Variants in ZC3H7B observed in about 807,000 individuals in gnomAD.
The protein encoded by ZC3H7B is zinc finger CCCH-type containing 7B.
ZC3H7B carries 35 observed loss-of-function variants against 116.0 expected under a neutral mutation model. The observed-to-expected ratio is 0.30, with a 90% CI of 0.23 to 0.40. The LOEUF (loss-of-function observed/expected upper bound fraction) is 0.40, where lower values mean the gene tolerates loss of function less well. ZC3H7B is among the 10% of genes least tolerant of loss of function. The pLI, the probability that ZC3H7B is intolerant of heterozygous loss-of-function variation, is 1.00. For missense variants in ZC3H7B, 1,011 were observed against 1,321.5 expected, an observed-to-expected ratio of 0.77 and a Z score of 3.64; for synonymous variants, 502 against 545.6, an observed-to-expected ratio of 0.92 and a Z score of 1.11.
chr22:41,357,158 A>G lies in ZC3H7B; in HGVS notation c.2682-19A>G. On this transcript the variant is annotated intron_variant, in intron 22 of 22. Transcript: ENST00000352645. The surrounding 1 kb of genome is among the most constrained non-coding windows in gnomAD (Gnocchi z 5.4). ...GGAAGGGCACAGAGCTCGGGCAGTGAGCCTCCTGCCACCCACAGGCTCCAG... is the reference window on the plus strand; with the variant it reads ...GGAAGGGCACAGAGCTCGGGCAGTGGGCCTCCTGCCACCCACAGGCTCCAG... 6.2e-7 allele frequency: 1 copy of G among 1,610,444 alleles called. No individual in the cohort carries two copies. Among genetic ancestry groups the G allele is most frequent in the African/African-American group, 1.3e-5 (1 of 74,940 alleles).
chr22:41,351,598 G>T lies in ZC3H7B; in HGVS notation c.1986G>T (p.Lys662Asn). The change falls in exon 17 of 23, where the codon AAG becomes AAT. Residue 662 changes from lysine to asparagine, a missense_variant. This residue lies in a region of ZC3H7B where 406 missense variants were observed against 590.2 expected (regional missense o/e 0.69). Coordinates refer to ENST00000352645, the MANE Select transcript of ZC3H7B (RefSeq NM_017590.6). This position sits in a 1 kb window ranked among gnomAD's most constrained non-coding sequence, Gnocchi z 5.1. ...THEDIVQESKKYWQQMEAHAG... is the reference protein window; with the variant it reads ...THEDIVQESKNYWQQMEAHAG... Reference sequence around the variant, plus strand: ...AAGACATCGTTCAGGAGTCTAAGAAGTACTGGCAGCAGATGGAGGCGCATG... The same window carrying T: ...AAGACATCGTTCAGGAGTCTAAGAATTACTGGCAGCAGATGGAGGCGCATG... 1 of 1,614,048 alleles carries T rather than the reference G, an allele frequency of 6.2e-7. No homozygotes were observed. Among genetic ancestry groups the T allele is most frequent in the Non-Finnish European group, 8.5e-7 (1 of 1,180,000 alleles).
At chr22:41,352,766 A>C (rs2036668941) in intron 17 of ZC3H7B, among the ~76,000 whole-genome samples, 1 of 151,892 alleles carries the variant, frequency 6.6e-6, no homozygotes, top group Non-Finnish European at 1.5e-5. Context: ...CGTCTCAAAA[A>C]ATAAATAAAT....
chr22:41,347,825 T>C (rs966087041), intron 14 of ZC3H7B, among the ~76,000 whole-genome samples: 1 of 152,112 alleles, frequency 6.6e-6, no homozygotes, highest in African/African-American at 2.4e-5. Context: ...GCCTCAGGCA[T>C]TGGGAGTGGT....
intron 7 of ZC3H7B, among the ~76,000 whole-genome samples, chr22:41,337,674 C>T (rs1569238460): frequency 6.6e-6 from 1 of 152,178 alleles, no homozygotes; most frequent in Non-Finnish European, 1.5e-5. Context: ...TGCTAAGACC[C>T]TTGCCACCTT....
At chr22:41,306,860 T>C (rs1406973632) in intron 1 of ZC3H7B, among the ~76,000 whole-genome samples, 1 of 151,842 alleles carries the variant, frequency 6.6e-6, no homozygotes, top group Non-Finnish European at 1.5e-5. Flanking sequence ...AGACCTGAGG[T>C]TATTCAGACA....
intron 17 of ZC3H7B, among the ~76,000 whole-genome samples, chr22:41,354,707 G>A (rs145544397): frequency 6.6e-6 from 1 of 152,334 alleles, no homozygotes; most frequent in Non-Finnish European, 1.5e-5. Flanking sequence ...CAGGAGACAA[G>A]GCAGAGTGAG....
At chr22:41,343,770 T>A (rs558016660) in intron 13 of ZC3H7B, among the ~76,000 whole-genome samples, 194 bp downstream of exon 13, 1 of 152,338 alleles carries the variant, frequency 6.6e-6, no homozygotes, top group Admixed American at 6.5e-5. Context: ...TCTTCTTCCC[T>A]TAGCAGCTTC....
At position 41,327,223 on chromosome 22, in the gene ZC3H7B, G is replaced by T. The variant is rs755858023; in HGVS notation, c.303G>T (p.Ala101=). 4.3e-6 allele frequency: 7 copies of T among 1,613,802 alleles called. No homozygotes were observed. The highest frequency in any genetic ancestry group is 5.9e-6 in the Non-Finnish European group (7 of 1,180,028). The change falls in exon 5 of 23, where the codon GCG becomes GCT. Residue 101 remains alanine (A), a synonymous_variant. Coordinates refer to ENST00000352645, the MANE Select transcript of ZC3H7B (RefSeq NM_017590.6). The surrounding 1 kb of genome is among the most constrained non-coding windows in gnomAD (Gnocchi z 4.5). ...TCTGGCAGGGCCTGTATGAGAAGGC[G>T]CTGGAGGACAGCGAGAAGGCGCTGG... ...CYFTMGLYEK[A]LEDSEKALGL... is the part of the protein sequence containing the mutation.
At position 41,320,724 on chromosome 22, in the gene ZC3H7B, A is replaced by G. The variant is rs1222725383; in HGVS notation, c.53+11A>G. On this transcript the variant is annotated intron_variant, in intron 2 of 22. Transcript: ENST00000352645. ...GCTGCAGTTCATTCAGTAAGCCTGC[A>G]TGCGGCAGGGGCTGGACGGCTGGGT... 6.8e-7 allele frequency: 1 copy of G among 1,462,528 alleles called. No homozygotes were observed. Among genetic ancestry groups the G allele is most frequent in the Admixed American group, 1.8e-5 (1 of 56,398 alleles). The allele number at this position is 1,462,528 out of a possible 1,614,324, so 90.6% of individuals were successfully genotyped here. A position where few individuals can be genotyped will look rare whatever the true frequency, so the allele number is the denominator to read the frequency against.
chr22:41,334,333 A>G (rs1311118070), intron 7 of ZC3H7B: 2 of 152,262 alleles, frequency 1.3e-5, no homozygotes, highest in South Asian at 2.1e-4. Context: ...GAATGATTGA[A>G]TGACTGCGGC....
At chr22:41,348,304 A>T (rs1157647566) in intron 15 of ZC3H7B, 137 bp downstream of exon 15, 1 of 689,330 alleles carries the variant, frequency 1.5e-6, no homozygotes, top group East Asian at 2.7e-5. Flanking sequence ...TTGGGAATCA[A>T]ATCCAGCCTC....
intron 7 of ZC3H7B, among the ~76,000 whole-genome samples, chr22:41,337,689 G>A (rs1020569251): frequency 1.1e-4 from 17 of 152,132 alleles, no homozygotes; most frequent in African/African-American, 3.6e-4. Flanking sequence ...CACCTTCACC[G>A]GGGTGAGGAC....
At chr22:41,314,271 C>T (rs2036153455) in intron 1 of ZC3H7B, among the ~76,000 whole-genome samples, 2 of 151,820 alleles carry the variant, frequency 1.3e-5, no homozygotes, top group East Asian at 3.9e-4. Flanking sequence ...ATTCTCCTGC[C>T]TCAGCCTCCC....
At chr22:41,314,722 G>A (rs2036158832) in intron 1 of ZC3H7B, among the ~76,000 whole-genome samples, 1 of 151,498 alleles carries the variant, frequency 6.6e-6, no homozygotes, top group South Asian at 2.1e-4. Context: ...TGATTCTTCT[G>A]CCTCAGCCTC....
intron 12 of ZC3H7B, 42 bp from the exon 13 acceptor site, chr22:41,343,373 T>G: frequency 6.3e-7 from 1 of 1,580,624 alleles, no homozygotes. Context: ...CACTCTTCAA[T>G]TCTGCTTCCG....
chr22:41,331,180 C>T (rs1352812164), intron 6 of ZC3H7B, among the ~76,000 whole-genome samples: 2 of 144,538 alleles, frequency 1.4e-5, no homozygotes, highest in Non-Finnish European at 3.0e-5. Context: ...ACCCGGGAGG[C>T]GGAGGTTGCG....
At chr22:41,343,660 T>G (rs1601789269) in intron 13 of ZC3H7B, 84 bp downstream of exon 13, 1 of 1,452,300 alleles carries the variant, frequency 6.9e-7, no homozygotes, top group Non-Finnish European at 9.1e-7. Flanking sequence ...CCATCACAGG[T>G]AGACAGAACA....
chr22:41,324,282 C>T (rs913320303), intron 2 of ZC3H7B, among the ~76,000 whole-genome samples: 3 of 152,086 alleles, frequency 2.0e-5, no homozygotes, highest in Non-Finnish European at 2.9e-5. Context: ...TGGTGAGCCC[C>T]GATGTCACAA....
At chr22:41,344,092 C>T (rs1000295923) in intron 13 of ZC3H7B, among the ~76,000 whole-genome samples, 2 of 152,210 alleles carry the variant, frequency 1.3e-5, no homozygotes, top group Non-Finnish European at 2.9e-5. Context: ...TCTTTCTGGT[C>T]CCAGCCAAGC....
Sources: allele counts gnomAD v4.1 joint callset (sites outside exome capture counted in the v4.1 genomes callset), GRCh38; gene constraint gnomAD v4.1.1; regional missense constraint gnomAD v4.1.1; non-coding constraint Gnocchi (gnomAD v3.1); transcripts MANE v1.5; gene names NCBI Gene and HGNC (gene_info 2026-07-23, HGNC 2026-07-21).